STARD4: variants seen among roughly 807,000 people sequenced by gnomAD.
The protein encoded by STARD4 is StAR related lipid transfer domain containing 4.
In STARD4, 33 loss-of-function variants were observed where a neutral mutation model predicts 24.9. The ratio of observed to expected loss-of-function variants is 1.32; its 90% CI spans 1.00 to 1.77. The LOEUF (loss-of-function observed/expected upper bound fraction) is 1.77, where lower values mean the gene tolerates loss of function less well. Ranked by LOEUF, STARD4 falls within the 40% of genes most tolerant of loss-of-function variation. STARD4 has a pLI of 0.00. For missense variants in STARD4, 238 were observed against 249.3 expected (o/e 0.95, Z 0.31); for synonymous variants, 88 against 77.4 (o/e 1.14, Z -0.72).
At position 111,496,683 on chromosome 5, in the gene STARD4, T is replaced by G. The variant is rs1756114326; in HGVS notation, c.*3203A>C. On this transcript the variant is annotated 3_prime_UTR_variant, in exon 6 of 6. Coordinates refer to ENST00000296632, the MANE Select transcript of STARD4 (RefSeq NM_139164.3). ...ACCTCAATTACATAGTTTTTTAGCT[T>G]GAGATATTAATTGAATTCAGCATGA... is the stretch of plus-strand genomic sequence containing the variant. The G allele has an allele frequency of 2.0e-5, 3 of 152,050 alleles. No individual in the cohort carries two copies. Among genetic ancestry groups the G allele is most frequent in the Admixed American group, 2.0e-4 (3 of 15,242 alleles). 9.4% of individuals were successfully genotyped at this position (152,050 alleles called of 1,614,324 possible).
Position 111,496,902 on chromosome 5 carries a change from T to C in STARD4, c.*2984A>G, listed in dbSNP as rs536431389. On this transcript the variant is annotated 3_prime_UTR_variant, in exon 6 of 6. Coordinates refer to ENST00000296632, the MANE Select transcript of STARD4 (RefSeq NM_139164.3). ...CCTAGTACTTTAGCAATTTATCTTATAGATTAGTTAACTACAGAATACTAG... is the reference window on the plus strand; with the variant it reads ...CCTAGTACTTTAGCAATTTATCTTACAGATTAGTTAACTACAGAATACTAG... 2 of 152,212 alleles carry C rather than the reference T, an allele frequency of 1.3e-5. No homozygotes were observed. Among genetic ancestry groups the C allele is most frequent in the African/African-American group, 4.8e-5 (2 of 41,566 alleles). The allele number at this position is 152,212 out of a possible 1,614,324, so 9.4% of individuals were successfully genotyped here.
intron 5 of STARD4, chr5:111,500,363 A>C: frequency 8.7e-7 from 1 of 1,153,278 alleles, no homozygotes; most frequent in Non-Finnish European, 1.1e-6. Flanking sequence ...TACTCCTTGG[A>C]AGCTACAAAT....
chr5:111,504,313 A>T (rs1395502848), intron 3 of STARD4, among the ~76,000 whole-genome samples: 1 of 152,240 alleles, frequency 6.6e-6, no homozygotes, highest in Admixed American at 6.5e-5. Flanking sequence ...ACATTGTGGT[A>T]TATTCACATA....
At chr5:111,505,652 G>A (rs753911620) in intron 3 of STARD4, among the ~76,000 whole-genome samples, 2 of 152,082 alleles carry the variant, frequency 1.3e-5, no homozygotes, top group African/African-American at 2.4e-5. Flanking sequence ...ATAATGCTGT[G>A]ATAGAAGAGC....
chr5:111,506,276 A>T lies in STARD4; in HGVS notation c.155+54T>A, dbSNP rs185002486. Reference sequence around the variant, plus strand: ...AGCAATGACTACTTAGTGACAATGGATATAAGTTTTGAAATGTCTTAAGAG... The same window carrying T: ...AGCAATGACTACTTAGTGACAATGGTTATAAGTTTTGAAATGTCTTAAGAG... On this transcript the variant is annotated intron_variant, in intron 3 of 5. Coordinates refer to ENST00000296632, the MANE Select transcript of STARD4 (RefSeq NM_139164.3). The T allele has an allele frequency of 3.7e-3, 3,451 of 931,240 alleles. 11 individuals carry two copies. Among genetic ancestry groups the T allele is most frequent in the Non-Finnish European group, 4.9e-3 (3,088 of 633,188 alleles). 57.7% of individuals were successfully genotyped at this position (931,240 alleles called of 1,614,324 possible).
rs1756404893 is a variant in STARD4 at position 111,501,029 on chromosome 5, C to T, written c.370G>A (p.Gly124Ser). ...REFVDFSYTV[G>S]YKEGLLSCGI... ...CAAGATAAAAGCCCTTCTTTATAGC[C>T]CACAGTATAGGAGAAATCAACAAAT... Residue 124 changes from glycine (G) to serine (S), a missense_variant, in exon 5 of 6, where the codon GGC (glycine) becomes AGC (serine). Coordinates refer to ENST00000296632, the MANE Select transcript of STARD4 (RefSeq NM_139164.3). 1 of 1,613,708 alleles carries T rather than the reference C, an allele frequency of 6.2e-7. No homozygotes were observed. Among genetic ancestry groups the T allele is most frequent in the South Asian group, 1.1e-5 (1 of 91,050 alleles).
At chr5:111,502,167 G>C in intron 3 of STARD4, 79 bp from the exon 4 acceptor site, 2 of 1,491,834 alleles carry the variant, frequency 1.3e-6, no homozygotes, top group Non-Finnish European at 1.8e-6. Context: ...AGCTAACTTT[G>C]AAAGTAAGGA....
chr5:111,496,136 GT>G lies in STARD4; in HGVS notation c.*3749del, dbSNP rs1332415591. On this transcript the variant is annotated 3_prime_UTR_variant, in exon 6 of 6. Coordinates refer to ENST00000296632, the MANE Select transcript of STARD4 (RefSeq NM_139164.3). ...TATTATTAGTTTAATAAATATTCTA[GT>G]TTTACATATTGGTTCACAAAAGAAT... 2 of 151,560 alleles carry G rather than the reference GT, an allele frequency of 1.3e-5. No individual in the cohort carries two copies. Among genetic ancestry groups the G allele is most frequent in the Non-Finnish European group, 1.5e-5 (1 of 67,846 alleles). The allele number at this position is 151,560 out of a possible 1,614,324, so 9.4% of individuals were successfully genotyped here.
In STARD4 at chr5:111,497,873, A is replaced by G. The variant is rs1429629918; in HGVS notation, c.*2013T>C. ...TCCACTCTTAAAAATGAAACCAAAC[A>G]TAACCTGCTGTAATTATCCTGGCAA... On this transcript the variant is annotated 3_prime_UTR_variant, in exon 6 of 6. Coordinates refer to ENST00000296632, the MANE Select transcript of STARD4 (RefSeq NM_139164.3). The G allele has an allele frequency of 6.6e-6, 1 of 152,058 alleles. No homozygotes were observed. Among genetic ancestry groups the G allele is most frequent in the Non-Finnish European group, 1.5e-5 (1 of 67,944 alleles). The allele number at this position is 152,058 out of a possible 1,614,324, so 9.4% of individuals were successfully genotyped here.
At chr5:111,500,966 A>G (rs1376317393) in intron 5 of STARD4, 36 bp downstream of exon 5, 7 of 1,613,178 alleles carry the variant, frequency 4.3e-6, no homozygotes, top group African/African-American at 1.3e-5. Context: ...TATTTAAACC[A>G]TACTGAAAAA....
In STARD4 at chr5:111,500,047, A is replaced by G; in HGVS notation, c.457T>C (p.Cys153Arg). 6.2e-7 allele frequency: 1 copy of G among 1,614,186 alleles called. No homozygotes were observed. Among genetic ancestry groups the G allele is most frequent in the South Asian group, 1.1e-5 (1 of 91,082 alleles). ...PEFVRGYNHP[C>R]GWFCVPLKDN... is the part of the protein sequence containing the mutation. ...TTAAGTGGAACACAAAACCAACCAC[A>G]GGGATGGTTATATCCTCGAACAAAT... Residue 153 changes from cysteine (C) to arginine (R), a missense_variant, in exon 6 of 6, where the codon TGT becomes CGT. By Grantham distance (180) the Cys-to-Arg change is radical. Coordinates refer to ENST00000296632, the MANE Select transcript of STARD4 (RefSeq NM_139164.3).
chr5:111,500,958 T>C (rs779715681), intron 5 of STARD4, 44 bp downstream of exon 5: 2 of 1,612,496 alleles, frequency 1.2e-6, no homozygotes, highest in Non-Finnish European at 8.5e-7. Flanking sequence ...AACACAAATA[T>C]TTAAACCATA....
At chr5:111,501,173 T>C in intron 4 of STARD4, 57 bp from the exon 5 acceptor site, 1 of 1,507,912 alleles carries the variant, frequency 6.6e-7, no homozygotes, top group Middle Eastern at 1.8e-4. Context: ...CATAGCTTCA[T>C]ATATCATAAA....
intron 2 of STARD4, among the ~76,000 whole-genome samples, chr5:111,506,714 G>C (rs539828141): frequency 3.3e-5 from 5 of 152,138 alleles, no homozygotes; most frequent in African/African-American, 9.6e-5. Flanking sequence ...TCTAACACTA[G>C]GAACACTATT....
At chr5:111,508,732 T>C (rs1346187003) in intron 1 of STARD4, among the ~76,000 whole-genome samples, 2 of 152,282 alleles carry the variant, frequency 1.3e-5, no homozygotes, top group African/African-American at 4.8e-5. Context: ...AATAGTCTAA[T>C]TCAGTGGCTT....
intron 3 of STARD4, among the ~76,000 whole-genome samples, chr5:111,505,738 G>C (rs1314549108): frequency 7.9e-5 from 12 of 152,076 alleles, no homozygotes; most frequent in African/African-American, 2.9e-4. Context: ...CTACAGCACT[G>C]AGTAAATGTA....
chr5:111,509,498 T>C lies in STARD4; in HGVS notation c.-9-2056A>G, dbSNP rs140268237. On this transcript the variant is annotated intron_variant, in intron 1 of 5. Transcript: ENST00000296632. ...CCTTACTATAGCTTACAGGCCCTTT[T>C]ATAATGTGGCATATTTTCATTACCT... Among the ~76,000 whole-genome samples the C allele has an allele frequency of 3.0e-3, 460 of 152,202 alleles. 4 individuals are homozygous for C. Among genetic ancestry groups the C allele is most frequent in the African/African-American group, 0.011 (437 of 41,556 alleles).
rs2112546207 is a variant in STARD4 at position 111,501,884 on chromosome 5, T to G, written c.282+78A>C. 6.4e-6 allele frequency: 10 copies of G among 1,571,130 alleles called. No homozygotes were observed. In the South Asian group the frequency reaches 1.1e-4, roughly 18 times the overall value. ...GAATATAAGTGTGTACAAATGCTCA[T>G]GCTCACATGCTCTGGCTCACTCATG... On this transcript the variant is annotated intron_variant, in intron 4 of 5. Transcript: ENST00000296632.
chr5:111,509,895 C>T (rs1411853026), intron 1 of STARD4, among the ~76,000 whole-genome samples: 1 of 152,088 alleles, frequency 6.6e-6, no homozygotes, highest in Non-Finnish European at 1.5e-5. Context: ...ATTTATCAAG[C>T]ATCTATTATA....
Sources: gnomAD v4.1 joint callset for allele counts (sites outside exome capture counted in the v4.1 genomes callset) on GRCh38, gnomAD v4.1.1 for gene constraint, MANE v1.5 for transcripts, NCBI Gene and HGNC (gene_info 2026-07-23, HGNC 2026-07-21) for gene names.